SFT2D2: variants seen among roughly 807,000 people sequenced by gnomAD.
SFT2D2 encodes SFT2 domain containing 2.
In SFT2D2, 21 loss-of-function variants were observed where a neutral mutation model predicts 27.4. That is an observed-to-expected ratio of 0.77 (90% confidence interval 0.54 to 1.10). SFT2D2 has a LOEUF of 1.10. SFT2D2 is among the 50% of genes least tolerant of loss of function. The pLI, the probability that SFT2D2 is intolerant of heterozygous loss-of-function variation, is 0.00. For missense variants in SFT2D2, 187 were observed against 194.2 expected (o/e 0.96, Z 0.22); for synonymous variants, 72 against 71.7 (o/e 1.00, Z -0.02).
At position 168,247,073 on chromosome 1, in the gene SFT2D2, C is replaced by A. The variant is rs185405736; in HGVS notation, c.*4533C>A. ...AAGTTTTTGATATTCTGTGATATTT[C>A]TTTTTTTTCAGATAGTCTCTTTTGT... On this transcript the variant is annotated 3_prime_UTR_variant, in exon 8 of 8. Coordinates refer to ENST00000271375, the MANE Select transcript of SFT2D2 (RefSeq NM_199344.3). 210 of 397,704 alleles carry A rather than the reference C, an allele frequency of 5.3e-4. 1 individual carries two copies. Among genetic ancestry groups the A allele is most frequent in the South Asian group, 1.4e-3 (69 of 49,072 alleles). 24.6% of individuals were successfully genotyped at this position (397,704 alleles called of 1,614,324 possible). A position where few individuals can be genotyped will look rare whatever the true frequency, so the allele number is the denominator to read the frequency against.
chr1:168,237,159 A>G (rs1465374068), intron 6 of SFT2D2, among the ~76,000 whole-genome samples: 3 of 152,232 alleles, frequency 2.0e-5, no homozygotes, highest in Non-Finnish European at 1.5e-5. Flanking sequence ...AAAAAAGGAA[A>G]GTGGTAAGAA....
intron 3 of SFT2D2, among the ~76,000 whole-genome samples, chr1:168,233,333 TTGA>T (rs1360913836): frequency 3.9e-5 from 6 of 152,204 alleles, no homozygotes; most frequent in Admixed American, 6.5e-5. Flanking sequence ...CTCTCCAGAA[TTGA>T]TGACCTCTTC....
intron 4 of SFT2D2, among the ~76,000 whole-genome samples, 189 bp from the exon 5 acceptor site, chr1:168,236,400 A>C (rs902059148): frequency 2.6e-5 from 4 of 152,296 alleles, no homozygotes; most frequent in Admixed American, 2.6e-4. Context: ...ATCTATGTGA[A>C]TCTTTATTGG....
At position 168,250,721 on chromosome 1, in the gene SFT2D2, CATT is replaced by C. The variant is rs1425289582; in HGVS notation, c.*8184_*8186del. ...ACTAACTCACTCCCGTCTCTTGTCT[CATT>C]ATCTGAAATGCATCCCCTTTTGCAG... On this transcript the variant is annotated 3_prime_UTR_variant, in exon 8 of 8. Transcript: ENST00000271375. 1 of 152,298 alleles carries C rather than the reference CATT, an allele frequency of 6.6e-6. No individual in the cohort carries two copies. The highest frequency in any genetic ancestry group is 1.5e-5 in the Non-Finnish European group (1 of 68,116). The allele number at this position is 152,298 out of a possible 1,614,324, so 9.4% of individuals were successfully genotyped here. A position where few individuals can be genotyped will look rare whatever the true frequency, so the allele number is the denominator to read the frequency against.
At chr1:168,233,686 T>C (rs1279560216) in intron 3 of SFT2D2, among the ~76,000 whole-genome samples, 1 of 152,194 alleles carries the variant, frequency 6.6e-6, no homozygotes, top group East Asian at 1.9e-4. Context: ...CATTGTATAG[T>C]CTAGACTGAG....
intron 3 of SFT2D2, among the ~76,000 whole-genome samples, chr1:168,232,288 C>T (rs1461332596): frequency 2.0e-5 from 3 of 152,172 alleles, no homozygotes; most frequent in Non-Finnish European, 4.4e-5. Flanking sequence ...ATAAGGGAAA[C>T]TGGTTTTTAT....
chr1:168,233,429 C>T (rs1321407294), intron 3 of SFT2D2, among the ~76,000 whole-genome samples: 1 of 152,166 alleles, frequency 6.6e-6, no homozygotes, highest in Admixed American at 6.5e-5. Context: ...ATCTGTAAGC[C>T]ACTTGATAAG....
intron 6 of SFT2D2, among the ~76,000 whole-genome samples, chr1:168,238,182 C>T (rs1647555862): frequency 6.6e-6 from 1 of 152,140 alleles, no homozygotes; most frequent in Admixed American, 6.5e-5. Flanking sequence ...GCTGAGCTAA[C>T]TGGAATTTAC....
At position 168,251,317 on chromosome 1, in the gene SFT2D2, AAAT is replaced by A. The variant is rs1307908449; in HGVS notation, c.*8780_*8782del. 1.3e-5 allele frequency: 2 copies of A among 151,060 alleles called. No individual in the cohort carries two copies. Among genetic ancestry groups the A allele is most frequent in the Non-Finnish European group, 3.0e-5 (2 of 67,780 alleles). 9.4% of individuals were successfully genotyped at this position (151,060 alleles called of 1,614,324 possible). On this transcript the variant is annotated 3_prime_UTR_variant, in exon 8 of 8. Coordinates refer to ENST00000271375, the MANE Select transcript of SFT2D2 (RefSeq NM_199344.3). ...GCAACAGAGTGAGACTCTGTCTCAAAAATAAATAAAAAAAAAAATCACTTTTTG... is the reference window on the plus strand; with the variant it reads ...GCAACAGAGTGAGACTCTGTCTCAAAAAATAAAAAAAAAAATCACTTTTTG...
chr1:168,227,073 G>A (rs1328031125), intron 1 of SFT2D2, among the ~76,000 whole-genome samples: 1 of 152,132 alleles, frequency 6.6e-6, no homozygotes, highest in Non-Finnish European at 1.5e-5. Context: ...GCCCACCTCT[G>A]CCTCCCAAAG....
rs1247485145 is a variant in SFT2D2 at position 168,250,779 on chromosome 1, C to G, written c.*8239C>G. 1 of 152,228 alleles carries G rather than the reference C, an allele frequency of 6.6e-6. No homozygotes were observed. Among genetic ancestry groups the G allele is most frequent in the Non-Finnish European group, 1.5e-5 (1 of 68,078 alleles). The allele number at this position is 152,228 out of a possible 1,614,324, so 9.4% of individuals were successfully genotyped here. A position where few individuals can be genotyped will look rare whatever the true frequency, so the allele number is the denominator to read the frequency against. ...GGCTCAAACGGAGCCTTCAGTTCTGCTCCTCTGCATAGCCGTAGCTCAGAT... is the reference window on the plus strand; with the variant it reads ...GGCTCAAACGGAGCCTTCAGTTCTGGTCCTCTGCATAGCCGTAGCTCAGAT... On this transcript the variant is annotated 3_prime_UTR_variant, in exon 8 of 8. Transcript: ENST00000271375.
intron 7 of SFT2D2, 103 bp from the exon 8 acceptor site, chr1:168,242,398 G>A: frequency 2.4e-6 from 3 of 1,227,612 alleles, no homozygotes; most frequent in South Asian, 2.4e-5. Context: ...TGATCTTTCA[G>A]TCTAGGTGCT....
At chr1:168,227,421 G>C (rs1359547721) in intron 1 of SFT2D2, among the ~76,000 whole-genome samples, 1 of 152,080 alleles carries the variant, frequency 6.6e-6, no homozygotes, top group African/African-American at 2.4e-5. Flanking sequence ...GATTTTATTC[G>C]GTTTTGTTTT....
At chr1:168,239,010 A>C in intron 6 of SFT2D2, 121 bp from the exon 7 acceptor site, 1 of 756,194 alleles carries the variant, frequency 1.3e-6, no homozygotes, top group South Asian at 1.6e-5. Flanking sequence ...CCCCAGGCTG[A>C]GTATGGGAGA....
intron 7 of SFT2D2, among the ~76,000 whole-genome samples, 190 bp from the exon 8 acceptor site, chr1:168,242,311 C>T (rs1327919051): frequency 6.6e-6 from 1 of 152,178 alleles, no homozygotes; most frequent in East Asian, 1.9e-4. Context: ...GAATTTGAAA[C>T]TCAAACAGGA....
At chr1:168,235,405 T>C (rs2102330646) in intron 4 of SFT2D2, among the ~76,000 whole-genome samples, 1 of 152,286 alleles carries the variant, frequency 6.6e-6, no homozygotes, top group South Asian at 2.1e-4. Context: ...CTACCAGTTC[T>C]GAAAAGCACC....
rs952296517 is a variant in SFT2D2 at position 168,229,974 on chromosome 1, T to C, written c.64-1540T>C. Among the ~76,000 whole-genome samples the C allele has an allele frequency of 5.3e-4, 80 of 152,320 alleles. 2 individuals carry two copies. Among genetic ancestry groups the C allele is most frequent in the Admixed American group, 2.0e-3 (31 of 15,296 alleles). ...AGATCTTAACACTGGGCCCCTGCTG[T>C]CTGTTATCATCCCTAATTTGTGCCT... On this transcript the variant is annotated intron_variant, in intron 1 of 7. Coordinates refer to ENST00000271375, the MANE Select transcript of SFT2D2 (RefSeq NM_199344.3).
chr1:168,242,290 T>C (rs549192712), intron 7 of SFT2D2, among the ~76,000 whole-genome samples: 1 of 152,346 alleles, frequency 6.6e-6, no homozygotes, highest in South Asian at 2.1e-4. Flanking sequence ...ACATCCCCTC[T>C]TACAGATGAG....
intron 1 of SFT2D2, 69 bp from the exon 2 acceptor site, chr1:168,231,445 T>G: frequency 1.5e-6 from 2 of 1,311,400 alleles, no homozygotes; most frequent in Non-Finnish European, 2.2e-6. Flanking sequence ...ACTTTCTAGA[T>G]TTAGTTATGT....
Sources: allele counts gnomAD v4.1 joint callset (sites outside exome capture counted in the v4.1 genomes callset), GRCh38; gene constraint gnomAD v4.1.1; transcripts MANE v1.5; gene names NCBI Gene and HGNC (gene_info 2026-07-23, HGNC 2026-07-21).